The following ASB14 variants were observed in gnomAD, a reference collection of about 807,000 sequenced individuals.
ASB14 encodes the protein ankyrin repeat and SOCS box containing 14, also known as ankyrin repeat and SOCS box protein 14.
In ASB14, 63 loss-of-function variants were observed where a neutral mutation model predicts 55.6. The ratio of observed to expected loss-of-function variants is 1.13; its 90% confidence interval spans 0.92 to 1.40. ASB14 has a LOEUF of 1.40. Ranked by LOEUF, ASB14 falls within the 40% of genes most tolerant of loss-of-function variation. The pLI is 0.00. For synonymous variants in ASB14, 256 were observed against 259.9 expected, an observed-to-expected ratio of 0.98 and a Z score of 0.15; for missense variants, 724 against 710.4, an observed-to-expected ratio of 1.02 and a Z score of -0.22.
At position 57,291,893 on chromosome 3, in the gene ASB14, C is replaced by T; in HGVS notation, c.122+19G>A. On this transcript the variant is annotated intron_variant, in intron 2 of 10. Coordinates refer to ENST00000487349, the MANE Select transcript of ASB14 (RefSeq NM_001142733.3). The stretch of plus-strand genomic sequence containing the variant: ...GAATACAACACTTAATACTATATTG[C>T]CGATGAGAAAACCATTACCTCTCAT... 6.6e-7 allele frequency: 1 copy of T among 1,518,318 alleles called. No individual in the cohort carries two copies. The highest frequency in any genetic ancestry group is 8.8e-7 in the Non-Finnish European group (1 of 1,130,636). 94.1% of individuals were successfully genotyped at this position (1,518,318 alleles called of 1,614,324 possible).
intron 5 of ASB14, among the ~76,000 whole-genome samples, chr3:57,283,841 A>AAAAAC (rs2061057710): frequency 6.6e-6 from 1 of 152,096 alleles, no homozygotes; most frequent in Non-Finnish European, 1.5e-5. Context: ...AAAATTAAAA[A>AAAAAC]AAAAACAAAA....
At chr3:57,285,400 G>C (rs983257252) in intron 5 of ASB14, among the ~76,000 whole-genome samples, 2 of 151,984 alleles carry the variant, frequency 1.3e-5, no homozygotes, top group Admixed American at 1.3e-4. Context: ...TAAGTAACCT[G>C]CTTGTATTGA....
intron 10 of ASB14, among the ~76,000 whole-genome samples, chr3:57,273,939 G>A (rs571175858): frequency 6.6e-6 from 1 of 152,090 alleles, no homozygotes; most frequent in Admixed American, 6.5e-5. Context: ...GGGAATAGAT[G>A]AAATTAACTT....
intron 10 of ASB14, chr3:57,273,230 T>TCA (rs2060958461): frequency 6.6e-6 from 1 of 152,660 alleles, no homozygotes; most frequent in Non-Finnish European, 1.5e-5. Context: ...GATTCTTATT[T>TCA]CACTGATACT....
intron 5 of ASB14, among the ~76,000 whole-genome samples, chr3:57,286,126 A>C (rs1211650361): frequency 1.3e-5 from 2 of 152,174 alleles, no homozygotes; most frequent in African/African-American, 4.8e-5. Context: ...ATTCACCACC[A>C]ATTACTTCAA....
At chr3:57,285,442 A>AATGACTTCTTACCATAGAAAATGAGGAT (rs1320802310) in intron 5 of ASB14, among the ~76,000 whole-genome samples, 3 of 152,142 alleles carry the variant, frequency 2.0e-5, no homozygotes, top group Non-Finnish European at 4.4e-5. Flanking sequence ...GGTATAATTT[A>AATGACTTCTTACCATAGAAAATGAGGAT]ATGACTTCTT....
chr3:57,289,333 C>A (rs2061110118), intron 2 of ASB14, among the ~76,000 whole-genome samples: 2 of 152,146 alleles, frequency 1.3e-5, no homozygotes, highest in Non-Finnish European at 2.9e-5. Context: ...CTAACTCTAT[C>A]TGTCTTCCGC....
intron 6 of ASB14, among the ~76,000 whole-genome samples, chr3:57,280,719 T>G (rs1243019279): frequency 6.6e-6 from 1 of 152,172 alleles, no homozygotes; most frequent in Non-Finnish European, 1.5e-5. Flanking sequence ...TTGATGTCCA[T>G]TTGTTTGGAA....
chr3:57,278,523 A>G lies in ASB14; in HGVS notation c.1285T>C (p.Tyr429His). 2 of 1,614,216 alleles carry G rather than the reference A, an allele frequency of 1.2e-6. No individual in the cohort carries two copies. The highest frequency in any genetic ancestry group is 1.7e-6 in the Non-Finnish European group (2 of 1,180,042). Residue 429 changes from tyrosine (Y) to histidine (H), a missense_variant, in exon 8 of 11, where the codon TAC (tyrosine) becomes CAC (histidine). Transcript: ENST00000487349. Reference sequence around the variant, plus strand: ...AGCATGACTTCATCTTTCAGAGTGTATTGCAGTGCTGATGGGAAATGTAAA... The same window carrying G: ...AGCATGACTTCATCTTTCAGAGTGTGTTGCAGTGCTGATGGGAAATGTAAA... ...NPLHFPSALQ[Y>H]TLKDEVMLRM...
rs930824402 is a variant in ASB14 at position 57,279,378 on chromosome 3, A to G, written c.888-458T>C. On this transcript the variant is annotated intron_variant, in intron 7 of 10. Coordinates refer to ENST00000487349, the MANE Select transcript of ASB14 (RefSeq NM_001142733.3). ...CAACCTCTGCCTCCTGGGTTCAAGCAATTCTCCTAAGAGTTTCTCATCTTT... is the reference window on the plus strand; with the variant it reads ...CAACCTCTGCCTCCTGGGTTCAAGCGATTCTCCTAAGAGTTTCTCATCTTT... 8.2e-4 allele frequency among the ~76,000 whole-genome samples: 119 copies of G among 145,494 alleles called. 2 individuals are homozygous for G. The highest frequency in any genetic ancestry group is 2.9e-3 in the African/African-American group (114 of 38,936).
Position 57,268,619 on chromosome 3 carries a change from C to A in ASB14, c.*1022G>T. 1.0e-6 allele frequency: 1 copy of A among 1,002,872 alleles called. No homozygotes were observed. The highest frequency in any genetic ancestry group is 1.4e-6 in the Non-Finnish European group (1 of 730,070). The allele number at this position is 1,002,872 out of a possible 1,614,324, so 62.1% of individuals were successfully genotyped here. On this transcript the variant is annotated 3_prime_UTR_variant, in exon 11 of 11. Coordinates refer to ENST00000487349, the MANE Select transcript of ASB14 (RefSeq NM_001142733.3). The stretch of plus-strand genomic sequence containing the variant: ...TCAGCCACTTCATAAACAGATGATT[C>A]ATACCATAGCAGAAAAGGGTCACAT...
At position 57,291,989 on chromosome 3, in the gene ASB14, G is replaced by A; in HGVS notation, c.45C>T (p.Asp15=). The A allele has an allele frequency of 6.5e-7, 1 of 1,535,006 alleles. No homozygotes were observed. Among genetic ancestry groups the A allele is most frequent in the Non-Finnish European group, 8.7e-7 (1 of 1,144,804 alleles). The change falls in exon 2 of 11, where the codon GAC becomes GAT. Residue 15 remains aspartate, a synonymous_variant. Transcript: ENST00000487349. The stretch of plus-strand genomic sequence containing the variant: ...AACTCTGTTGAATGATGAGCTGGGT[G>A]TCAAAGTCTTCATCTATGTCTTCAT... ...TSDEDIDEDF[D]TQLIIQQSLQ...
intron 10 of ASB14, among the ~76,000 whole-genome samples, chr3:57,274,966 T>C (rs562924369): frequency 6.6e-6 from 1 of 152,342 alleles, no homozygotes; most frequent in African/African-American, 2.4e-5. Flanking sequence ...TGAATTACCC[T>C]ACCTCTGTAC....
At chr3:57,285,076 G>T (rs2061071288) in intron 5 of ASB14, among the ~76,000 whole-genome samples, 1 of 151,812 alleles carries the variant, frequency 6.6e-6, no homozygotes, top group Non-Finnish European at 1.5e-5. Flanking sequence ...TAGTAGCTGG[G>T]ATTACAGGTG....
chr3:57,292,213 A>G, intron 1 of ASB14, 109 bp from the exon 2 acceptor site: 1 of 845,960 alleles, frequency 1.2e-6, no homozygotes, highest in Non-Finnish European at 1.6e-6. Flanking sequence ...ATTTCTATAA[A>G]CTTAAAAAAG....
intron 6 of ASB14, among the ~76,000 whole-genome samples, chr3:57,282,320 CAGGG>C (rs1242178528): frequency 6.6e-5 from 10 of 152,040 alleles, no homozygotes; most frequent in African/African-American, 2.4e-4. Context: ...TACTTCTAGA[CAGGG>C]AGGAGAATAA....
In ASB14 at chr3:57,276,508, A is replaced by C; in HGVS notation, c.*22+20T>G. On this transcript the variant is annotated intron_variant, in intron 10 of 10. Transcript: ENST00000487349. ...TCATACATAAGTGAAATTTTAAGGA[A>C]TACAGCTGCAAAATTATACCTTTTC... The C allele has an allele frequency of 2.6e-6, 4 of 1,519,908 alleles. No homozygotes were observed. Among genetic ancestry groups the C allele is most frequent in the East Asian group, 2.3e-5 (1 of 44,104 alleles). The allele number at this position is 1,519,908 out of a possible 1,614,324, so 94.2% of individuals were successfully genotyped here.
At chr3:57,275,522 A>G (rs922620199) in intron 10 of ASB14, among the ~76,000 whole-genome samples, 4 of 151,730 alleles carry the variant, frequency 2.6e-5, no homozygotes, top group African/African-American at 9.7e-5. Flanking sequence ...TAAATTGCAC[A>G]CCATTCTGAG....
chr3:57,268,982 G>A lies in ASB14; in HGVS notation c.*659C>T, dbSNP rs2060915422. 6.5e-6 allele frequency: 1 copy of A among 153,072 alleles called. No individual in the cohort carries two copies. The highest frequency in any genetic ancestry group is 2.4e-5 in the African/African-American group (1 of 41,444). 9.5% of individuals were successfully genotyped at this position (153,072 alleles called of 1,614,324 possible). ...ATGATCCATGAAATTGTAAGAGCGT[G>A]TTATGGGTTGTAGATTGACAGTAGG... On this transcript the variant is annotated 3_prime_UTR_variant, in exon 11 of 11. Transcript: ENST00000487349.
Sources: gnomAD v4.1 joint callset for allele counts (sites outside exome capture counted in the v4.1 genomes callset) on GRCh38, gnomAD v4.1.1 for gene constraint, MANE v1.5 for transcripts, NCBI Gene and HGNC (gene_info 2026-07-23, HGNC 2026-07-21) for gene names.